PLCG2: variants seen among roughly 807,000 people sequenced by gnomAD.
PLCG2 encodes phospholipase C gamma 2.
Under a neutral mutation model 175.6 loss-of-function variants are expected in PLCG2, and 69 were observed. The ratio of observed to expected loss-of-function variants is 0.39; its 90% CI spans 0.32 to 0.48. The LOEUF is 0.48. Ranked by LOEUF, PLCG2 falls within the 20% of genes least tolerant of loss-of-function variation. The probability of loss-of-function intolerance (pLI) is 0.91; values close to 1 mark genes in which losing one functional copy is unlikely to be tolerated. For synonymous variants in PLCG2, 827 were observed against 624.0 expected, an observed-to-expected ratio of 1.33 and a Z score of -4.85; for missense variants, 1,798 against 1,650.9, an observed-to-expected ratio of 1.09 and a Z score of -1.54.
chr16:81,848,922 T>C (rs1446950910), intron 2 of PLCG2, among the ~76,000 whole-genome samples: 1 of 152,144 alleles, frequency 6.6e-6, no homozygotes, highest in Non-Finnish European at 1.5e-5. Context: ...TGAGTTTGGT[T>C]TGATTGAGCT....
At chr16:81,812,901 G>C (rs1459696715) in intron 2 of PLCG2, among the ~76,000 whole-genome samples, 3 of 152,022 alleles carry the variant, frequency 2.0e-5, no homozygotes, top group African/African-American at 7.2e-5. Flanking sequence ...ATGGCTAGCT[G>C]GTTTTCCCAA....
chr16:81,887,102 T>G lies in PLCG2; in HGVS notation c.766-2070T>G, dbSNP rs1908405423. On this transcript the variant is annotated intron_variant, in intron 9 of 32. Coordinates refer to ENST00000564138, the MANE Select transcript of PLCG2 (RefSeq NM_002661.5). ...ATGCCTCCAGCCTCTTTGGGACATC[T>G]TGGCCAGGCAAAGTTGTTTTTTTTT... Among the ~76,000 whole-genome samples the G allele has an allele frequency of 1.3e-5, 2 of 151,896 alleles. 1 individual carries two copies. The highest frequency in any genetic ancestry group is 4.2e-4 in the South Asian group (2 of 4,818).
chr16:81,832,579 T>C (rs566384558), intron 2 of PLCG2, among the ~76,000 whole-genome samples: 37 of 152,306 alleles, frequency 2.4e-4, no homozygotes, highest in African/African-American at 8.4e-4. Context: ...TGTGTATGTA[T>C]TTTTTGTGGA....
intron 22 of PLCG2, among the ~76,000 whole-genome samples, chr16:81,924,736 T>TA (rs1051056248): frequency 6.6e-6 from 1 of 152,260 alleles, no homozygotes; most frequent in African/African-American, 2.4e-5. Context: ...GCAGCCGAGT[T>TA]ACCCATTGAG....
intron 2 of PLCG2, among the ~76,000 whole-genome samples, chr16:81,811,762 T>G (rs1298912435): frequency 6.6e-6 from 1 of 152,218 alleles, no homozygotes; most frequent in East Asian, 1.9e-4. Context: ...CTTTATCCAG[T>G]CTATCATCGA....
chr16:81,752,426 C>T (rs1324698239), intron 1 of PLCG2, among the ~76,000 whole-genome samples: 3 of 152,196 alleles, frequency 2.0e-5, no homozygotes, highest in Non-Finnish European at 4.4e-5. Flanking sequence ...GGCTTCTGAC[C>T]ACTTCCTCTT....
At chr16:81,931,692 A>T in intron 25 of PLCG2, 38 bp downstream of exon 25, 1 of 1,596,850 alleles carries the variant, frequency 6.3e-7, no homozygotes, top group Non-Finnish European at 8.6e-7. Context: ...TGGGCCTGGC[A>T]TTCTGAGGGC....
intron 19 of PLCG2, among the ~76,000 whole-genome samples, chr16:81,913,160 G>A (rs1414144116): frequency 2.0e-5 from 3 of 152,154 alleles, no homozygotes; most frequent in African/African-American, 7.2e-5. Flanking sequence ...CTCTAGGCCT[G>A]TGGTTCTCTA....
At position 81,937,780 on chromosome 16, in the gene PLCG2, C is replaced by G. The variant is rs368241065; in HGVS notation, c.3075C>G (p.His1025Gln). Residue 1025 changes from histidine (H) to glutamine (Q), a missense_variant, in exon 28 of 33, where the codon CAC becomes CAG. Coordinates refer to ENST00000564138, the MANE Select transcript of PLCG2 (RefSeq NM_002661.5). ...QTADKYMQMN[H>Q]ALFSLNGRTG... ...CAGATAAGTACATGCAGATGAATCA[C>G]GCATTGTTTTCTCTCAATGGGCGCA... 6.2e-6 allele frequency: 10 copies of G among 1,613,932 alleles called. No individual in the cohort carries two copies. The highest frequency in any genetic ancestry group is 3.3e-4 in the Middle Eastern group (2 of 6,062).
At chr16:81,909,402 G>C (rs1909519651) in intron 17 of PLCG2, among the ~76,000 whole-genome samples, 1 of 152,128 alleles carries the variant, frequency 6.6e-6, no homozygotes, top group South Asian at 2.1e-4. Context: ...ACCTGAAAGA[G>C]GGAAATTATA....
intron 1 of PLCG2, among the ~76,000 whole-genome samples, chr16:81,747,873 G>A (rs1023155128): frequency 6.6e-6 from 1 of 152,032 alleles, no homozygotes; most frequent in Non-Finnish European, 1.5e-5. Context: ...ACTGTTAAAT[G>A]AATGACTTTT....
At chr16:81,812,890 T>A (rs1904379010) in intron 2 of PLCG2, among the ~76,000 whole-genome samples, 1 of 152,220 alleles carries the variant, frequency 6.6e-6, no homozygotes, top group Non-Finnish European at 1.5e-5. Flanking sequence ...GTTTTCTGCA[T>A]ATGGCTAGCT....
intron 2 of PLCG2, among the ~76,000 whole-genome samples, chr16:81,805,761 TG>T (rs1567473483): frequency 1.6e-4 from 15 of 94,426 alleles, no homozygotes; most frequent in African/African-American, 4.4e-4. Flanking sequence ...AGTAGTGTTT[TG>T]TTTTGTTTTT....
In PLCG2 at chr16:81,822,311, A is replaced by G. The variant is rs560869402; in HGVS notation, c.194-32133A>G. ...GTGGTAAGCATGATTGATGGCCCCC[A>G]GAGATGTCCATGTCCTGCTCCCCGG... On this transcript the variant is annotated intron_variant, in intron 2 of 32. Coordinates refer to ENST00000564138, the MANE Select transcript of PLCG2 (RefSeq NM_002661.5). Among the ~76,000 whole-genome samples the G allele has an allele frequency of 2.0e-4, 30 of 152,282 alleles. 1 individual carries two copies. Among genetic ancestry groups the G allele is most frequent in the Non-Finnish European group, 3.8e-4 (26 of 68,018 alleles).
chr16:81,760,759 AT>A (rs1440124596), intron 2 of PLCG2, among the ~76,000 whole-genome samples: 2,181 of 135,434 alleles, frequency 0.016, 34 homozygotes, highest in South Asian at 0.036. Context: ...AAAAAAAAAA[AT>A]AATAATAATA....
At chr16:81,912,408 C>T (rs1056733686) in intron 18 of PLCG2, among the ~76,000 whole-genome samples, 189 bp from the exon 19 acceptor site, 5 of 152,228 alleles carry the variant, frequency 3.3e-5, no homozygotes, top group African/African-American at 1.2e-4. Context: ...TGGGGTCTTC[C>T]ACTATTCTTT....
At chr16:81,749,641 AC>A (rs1300259333) in intron 1 of PLCG2, among the ~76,000 whole-genome samples, 1 of 152,272 alleles carries the variant, frequency 6.6e-6, no homozygotes, top group Admixed American at 6.5e-5. Flanking sequence ...GGCGTGAGCC[AC>A]TGTGCCTGGC....
In PLCG2 at chr16:81,946,208, G is replaced by A. The variant is rs1425913844; in HGVS notation, c.3515G>A (p.Ser1172Asn). 1.2e-6 allele frequency: 2 copies of A among 1,613,836 alleles called. No homozygotes were observed. The highest frequency in any genetic ancestry group is 2.2e-5 in the East Asian group (1 of 44,890). The part of the protein sequence containing the change: ...FRSVPLKNGY[S>N]EDIELASLLV... ...TCCGTTCCTCTGAAGAATGGGTACA[G>A]CGAGGACATAGAGCTGGCTTCCCTC... Residue 1172 changes from serine to asparagine, a missense_variant, in exon 31 of 33, where the codon AGC (serine) becomes AAC (asparagine). Ser to Asn is a conservative substitution (Grantham distance 46, BLOSUM62 1). Transcript: ENST00000564138.
Position 81,787,393 on chromosome 16 carries a change from A to ATTTTTTTTTTTTTTTT in PLCG2, c.193+1214_193+1229dup, listed in dbSNP as rs67160306. Among the ~76,000 whole-genome samples the ATTTTTTTTTTTTTTTT allele has an allele frequency of 3.8e-3, 360 of 94,538 alleles. 11 individuals are homozygous for ATTTTTTTTTTTTTTTT. The highest frequency in any genetic ancestry group is 5.3e-3 in the Non-Finnish European group (271 of 51,124). 62.0% of individuals were successfully genotyped at this position (94,538 alleles called of 152,430 possible). On this transcript the variant is annotated intron_variant, in intron 2 of 32. Transcript: ENST00000564138. ...TGCACCGCCATGCCTGGATAATTTA[A>ATTTTTTTTTTTTTTTT]TTTTTTTTTTTTTTTTTTGTAGAGA...
Sources: allele counts gnomAD v4.1 joint callset (sites outside exome capture counted in the v4.1 genomes callset), GRCh38; gene constraint gnomAD v4.1.1; transcripts MANE v1.5; gene names NCBI Gene and HGNC (gene_info 2026-07-23, HGNC 2026-07-21).